Variants in CENPW observed in about 807,000 individuals in gnomAD.
CENPW encodes cancer-up-regulated gene 2 protein.
Under a neutral mutation model 11.1 loss-of-function variants are expected in CENPW, and 3 were observed. The ratio of observed to expected loss-of-function variants is 0.27; its 90% confidence interval spans 0.12 to 0.70. CENPW has a LOEUF of 0.70. Among genes scored for constraint, CENPW ranks in the 30% least tolerant of loss-of-function variants. CENPW has a pLI of 0.77. For synonymous variants in CENPW, 38 were observed against 42.0 expected (o/e 0.91, Z 0.37); for missense variants, 100 against 105.6 (o/e 0.95, Z 0.23).
chr6:126,442,563 A>G, the CENPW span, among the ~76,000 whole-genome samples: 4 of 151,274 alleles, frequency 2.6e-5, no homozygotes, highest in African/African-American at 9.7e-5. Context: ...TATTTTTTAC[A>G]TGGCACCATT....
At chr6:126,405,157 A>G in the CENPW span, among the ~76,000 whole-genome samples, 1 of 152,054 alleles carries the variant, frequency 6.6e-6, no homozygotes, top group Non-Finnish European at 1.5e-5. Flanking sequence ...GACTGTATTC[A>G]ATTTTGGTTG....
the CENPW span, among the ~76,000 whole-genome samples, chr6:126,454,076 C>T: frequency 1.1e-4 from 16 of 151,312 alleles, no homozygotes; most frequent in African/African-American, 3.9e-4. Flanking sequence ...ATAAAGCAAG[C>T]TCTTAGAGCC....
At chr6:126,357,280 T>G in the CENPW span, among the ~76,000 whole-genome samples, 2 of 152,214 alleles carry the variant, frequency 1.3e-5, no homozygotes, top group African/African-American at 4.8e-5. Flanking sequence ...TCTGTTCCAT[T>G]GGTCTATGTG....
chr6:126,350,633 A>T (rs530183667), downstream of CENPW, among the ~76,000 whole-genome samples: 41 of 152,264 alleles, frequency 2.7e-4, no homozygotes, highest in South Asian at 8.3e-3. Flanking sequence ...TGCCATCTGT[A>T]TATTGACTTA....
chr6:126,416,604 C>T, the CENPW span, among the ~76,000 whole-genome samples: 1 of 152,102 alleles, frequency 6.6e-6, no homozygotes, highest in Non-Finnish European at 1.5e-5. Flanking sequence ...AGCCTAGGGA[C>T]TTGGTGCCCT....
intron 1 of CENPW, among the ~76,000 whole-genome samples, chr6:126,341,350 A>G (rs1427615831): frequency 6.6e-6 from 1 of 152,156 alleles, no homozygotes; most frequent in Non-Finnish European, 1.5e-5. Flanking sequence ...ATAAGAGCAT[A>G]CTGCATGAAT....
the CENPW span, among the ~76,000 whole-genome samples, chr6:126,455,932 C>T: frequency 1.3e-5 from 2 of 150,936 alleles, no homozygotes; most frequent in Non-Finnish European, 3.0e-5. Context: ...CCTACAGTGT[C>T]CTAGCTGAGA....
the CENPW span, among the ~76,000 whole-genome samples, chr6:126,386,944 T>C: frequency 6.6e-6 from 1 of 151,980 alleles, no homozygotes; most frequent in Non-Finnish European, 1.5e-5. Flanking sequence ...GTTTAGTCCA[T>C]GTAATACCAT....
chr6:126,380,943 T>C, the CENPW span, among the ~76,000 whole-genome samples: 6 of 152,212 alleles, frequency 3.9e-5, no homozygotes, highest in Admixed American at 2.6e-4. Flanking sequence ...GTTTGTACTT[T>C]CTTGTTAAAT....
chr6:126,372,335 A>AT, the CENPW span, among the ~76,000 whole-genome samples: 1 of 152,198 alleles, frequency 6.6e-6, no homozygotes, highest in Non-Finnish European at 1.5e-5. Flanking sequence ...TAGTTTTAAC[A>AT]TCTTTAAATT....
the CENPW span, among the ~76,000 whole-genome samples, chr6:126,482,293 A>G: frequency 4.9e-3 from 740 of 152,090 alleles, 9 homozygotes; most frequent in African/African-American, 0.017. Flanking sequence ...AGCAAGTACA[A>G]TTTTCCTTCC....
the CENPW span, among the ~76,000 whole-genome samples, chr6:126,424,698 T>C: frequency 6.6e-6 from 1 of 152,112 alleles, no homozygotes; most frequent in South Asian, 2.1e-4. Flanking sequence ...TTCTGTTCTT[T>C]TGTTGGATGG....
At chr6:126,472,511 A>T in the CENPW span, among the ~76,000 whole-genome samples, 1 of 152,328 alleles carries the variant, frequency 6.6e-6, no homozygotes, top group East Asian at 1.9e-4. Context: ...TTAATTAATA[A>T]GTAGCTTTCC....
chr6:126,430,690 G>A, the CENPW span, among the ~76,000 whole-genome samples: 1 of 152,058 alleles, frequency 6.6e-6, no homozygotes, highest in African/African-American at 2.4e-5. Context: ...CGGTGGCCAC[G>A]CCTGTAATCC....
the CENPW span, among the ~76,000 whole-genome samples, chr6:126,396,241 C>G: frequency 6.6e-6 from 1 of 152,064 alleles, no homozygotes; most frequent in African/African-American, 2.4e-5. Flanking sequence ...AGCTGATACT[C>G]AAGCCACAAG....
the CENPW span, among the ~76,000 whole-genome samples, chr6:126,386,876 T>C: frequency 2.0e-5 from 3 of 151,964 alleles, no homozygotes; most frequent in South Asian, 4.1e-4. Flanking sequence ...AGTGCCAAGG[T>C]AGGAAGAAAT....
chr6:126,437,586 T>C, the CENPW span, among the ~76,000 whole-genome samples: 2 of 151,942 alleles, frequency 1.3e-5, no homozygotes, highest in African/African-American at 4.8e-5. Context: ...GGAAATAAGT[T>C]TATATACTTA....
At chr6:126,403,695 C>G in the CENPW span, among the ~76,000 whole-genome samples, 1 of 151,910 alleles carries the variant, frequency 6.6e-6, no homozygotes, top group African/African-American at 2.4e-5. Context: ...AGCTAAAGTA[C>G]AAGATGAAAC....
At chr6:126,471,115 TG>T in the CENPW span, among the ~76,000 whole-genome samples, 1,507 of 152,294 alleles carry the variant, frequency 9.9e-3, 22 homozygotes, top group African/African-American at 0.035. Flanking sequence ...AGGGGCTGAA[TG>T]ATATGGTTTG....
Sources: allele counts gnomAD v4.1 joint callset (sites outside exome capture counted in the v4.1 genomes callset), GRCh38; gene constraint gnomAD v4.1.1; transcripts MANE v1.5; gene names NCBI Gene and HGNC (gene_info 2026-07-23, HGNC 2026-07-21).